The following LRRC7 variants were observed in gnomAD, a reference collection of about 807,000 sequenced individuals.
The protein encoded by LRRC7 is leucine rich repeat containing 7.
In LRRC7, 23 loss-of-function variants were observed where a neutral mutation model predicts 175.7. That is an observed-to-expected ratio of 0.13 (90% CI 0.09 to 0.19). LRRC7 has a LOEUF of 0.19. Ranked by LOEUF, LRRC7 falls within the 10% of genes least tolerant of loss-of-function variation. LRRC7 has a pLI of 1.00. For missense variants in LRRC7, 1,354 were observed against 1,904.7 expected, an observed-to-expected ratio of 0.71 and a Z score of 5.38; for synonymous variants, 685 against 680.9, an observed-to-expected ratio of 1.01 and a Z score of -0.09.
chr1:69,988,917 A>T (rs181982101), intron 10 of LRRC7, among the ~76,000 whole-genome samples: 88 of 152,316 alleles, frequency 5.8e-4, no homozygotes, highest in Admixed American at 2.7e-3. Context: ...TGCAAACAAA[A>T]ATGTTGAAGG....
At chr1:70,057,614 T>C (rs1035019790) in intron 23 of LRRC7, among the ~76,000 whole-genome samples, 2 of 152,050 alleles carry the variant, frequency 1.3e-5, no homozygotes, top group Admixed American at 6.6e-5. Context: ...TTTAATCTTG[T>C]CTCTCTAACT....
intron 8 of LRRC7, among the ~76,000 whole-genome samples, chr1:69,943,248 A>G (rs1219742175): frequency 6.6e-6 from 1 of 152,186 alleles, no homozygotes; most frequent in East Asian, 1.9e-4. Context: ...GTATATCCAT[A>G]CAATGGAATA....
At chr1:69,569,852 G>C (rs1272311448) in intron 1 of LRRC7, among the ~76,000 whole-genome samples, 1 of 134,904 alleles carries the variant, frequency 7.4e-6, no homozygotes, top group African/African-American at 2.8e-5. Flanking sequence ...GCTTCAGAAA[G>C]GAACCATCTG....
intron 2 of LRRC7, among the ~76,000 whole-genome samples, chr1:69,704,376 G>T (rs144357249): frequency 3.0e-4 from 45 of 151,988 alleles, no homozygotes; most frequent in Non-Finnish European, 4.3e-4. Flanking sequence ...AGGTGCTTTA[G>T]GTAGACTGAA....
At chr1:70,010,766 C>T (rs1656430189) in intron 11 of LRRC7, among the ~76,000 whole-genome samples, 1 of 152,196 alleles carries the variant, frequency 6.6e-6, no homozygotes, top group Non-Finnish European at 1.5e-5. Flanking sequence ...GGTGCTTACT[C>T]TGTGCCAGGC....
chr1:69,588,675 T>TCTCA (rs1394053587), intron 1 of LRRC7, among the ~76,000 whole-genome samples: 2 of 152,244 alleles, frequency 1.3e-5, no homozygotes, highest in East Asian at 3.9e-4. Flanking sequence ...TTAATATCTA[T>TCTCA]CTCACCATTT....
intron 1 of LRRC7, among the ~76,000 whole-genome samples, chr1:69,624,113 C>T (rs1000946697): frequency 3.3e-5 from 5 of 152,008 alleles, no homozygotes; most frequent in Admixed American, 6.6e-5. Flanking sequence ...AAATTCTTTC[C>T]CAAACTTATT....
intron 17 of LRRC7, among the ~76,000 whole-genome samples, chr1:70,023,812 TG>T (rs918588861): frequency 2.0e-5 from 3 of 152,112 alleles, no homozygotes; most frequent in African/African-American, 7.2e-5. Context: ...AGATTTAAAT[TG>T]AGATTTGCTG....
At chr1:69,858,744 G>A (rs1684010403) in intron 7 of LRRC7, among the ~76,000 whole-genome samples, 1 of 152,058 alleles carries the variant, frequency 6.6e-6, no homozygotes, top group African/African-American at 2.4e-5. Context: ...TGAGTCATAA[G>A]ATATTTGCTC....
chr1:69,997,971 G>T (rs1351370957), intron 11 of LRRC7, among the ~76,000 whole-genome samples: 1 of 152,106 alleles, frequency 6.6e-6, no homozygotes, highest in Non-Finnish European at 1.5e-5. Context: ...GTTTCAGAAG[G>T]AATGGTGCCA....
intron 4 of LRRC7, among the ~76,000 whole-genome samples, chr1:69,812,507 A>G (rs1014931543): frequency 1.3e-5 from 2 of 152,110 alleles, no homozygotes; most frequent in African/African-American, 4.8e-5. Context: ...ATCTAATTTA[A>G]TAGGTATACT....
intron 21 of LRRC7, 101 bp from the exon 22 acceptor site, chr1:70,043,853 T>C (rs1660117646): frequency 6.6e-5 from 91 of 1,378,212 alleles, no homozygotes; most frequent in Non-Finnish European, 8.6e-5. Flanking sequence ...ACTGTTTGCC[T>C]GCCTAAAGTT....
chr1:69,714,444 A>G (rs1392285029), intron 2 of LRRC7, among the ~76,000 whole-genome samples: 1 of 151,166 alleles, frequency 6.6e-6, no homozygotes, highest in Non-Finnish European at 1.5e-5. Context: ...ATTAGAATCT[A>G]TTGAAAAGTG....
At chr1:69,686,601 C>T (rs1474515369) in intron 2 of LRRC7, among the ~76,000 whole-genome samples, 1 of 151,870 alleles carries the variant, frequency 6.6e-6, no homozygotes, top group Non-Finnish European at 1.5e-5. Context: ...AAATAATACA[C>T]TCAAAAACAT....
chr1:70,061,345 C>CT (rs1333517182), intron 23 of LRRC7, among the ~76,000 whole-genome samples: 4 of 152,110 alleles, frequency 2.6e-5, no homozygotes, highest in African/African-American at 9.7e-5. Context: ...TGGAGATTCT[C>CT]TGTTTCCCTC....
At chr1:69,611,383 C>A (rs1482245811) in intron 1 of LRRC7, among the ~76,000 whole-genome samples, 1 of 151,884 alleles carries the variant, frequency 6.6e-6, no homozygotes, top group African/African-American at 2.4e-5. Context: ...AATTCGTGTT[C>A]TATCAAGTTG....
intron 1 of LRRC7, among the ~76,000 whole-genome samples, chr1:69,651,555 T>C (rs1187184179): frequency 6.6e-6 from 1 of 152,180 alleles, no homozygotes; most frequent in Non-Finnish European, 1.5e-5. Flanking sequence ...TAAGAAGTCC[T>C]AGCCCCTCCA....
At chr1:69,989,213 A>T (rs1654208581) in intron 10 of LRRC7, among the ~76,000 whole-genome samples, 1 of 152,132 alleles carries the variant, frequency 6.6e-6, no homozygotes, top group South Asian at 2.1e-4. Flanking sequence ...AAATCCTGAA[A>T]ATGAAAAGGA....
At chr1:69,635,818 C>T (rs76205027) in intron 1 of LRRC7, among the ~76,000 whole-genome samples, 3 of 151,844 alleles carry the variant, frequency 2.0e-5, no homozygotes, top group African/African-American at 7.3e-5. Context: ...ATACACATCA[C>T]ATTACTGATG....
Sources: allele counts gnomAD v4.1 joint callset (sites outside exome capture counted in the v4.1 genomes callset), GRCh38; gene constraint gnomAD v4.1.1; transcripts MANE v1.5; gene names NCBI Gene and HGNC (gene_info 2026-07-23, HGNC 2026-07-21).